The following TMEM272 variants were observed in gnomAD, a reference collection of about 807,000 sequenced individuals.
TMEM272 encodes the protein transmembrane protein 272.
TMEM272 carries 8 observed loss-of-function variants against 3.7 expected under a neutral mutation model. That is an observed-to-expected ratio of 2.17 (90% confidence interval 1.27 to 3.91). TMEM272 has a LOEUF of 3.91. Among genes scored for constraint, TMEM272 ranks in the 30% most tolerant of loss-of-function variants. The pLI, the probability that TMEM272 is intolerant of heterozygous loss-of-function variation, is 0.00. For missense variants in TMEM272, 166 were observed against 91.5 expected, an observed-to-expected ratio of 1.81 and a Z score of -3.32; for synonymous variants, 63 against 39.8, an observed-to-expected ratio of 1.58 and a Z score of -2.20.
At chr13:51,884,121 A>C in the TMEM272 span, among the ~76,000 whole-genome samples, 1 of 152,218 alleles carries the variant, frequency 6.6e-6, no homozygotes, top group South Asian at 2.1e-4. Context: ...GCATCAATAA[A>C]GAGGTAGAGA....
At chr13:51,823,771 G>A (rs17600031) in intron 3 of TMEM272, among the ~76,000 whole-genome samples, 14,821 of 152,246 alleles carry the variant, frequency 0.097, 811 homozygotes, top group Middle Eastern at 0.15. Context: ...CTTAAGCAGA[G>A]GGAGTAAACT....
the TMEM272 span, among the ~76,000 whole-genome samples, chr13:51,931,614 T>C: frequency 6.6e-6 from 1 of 152,158 alleles, no homozygotes; most frequent in Admixed American, 6.5e-5. Flanking sequence ...GCTCTGCACA[T>C]GTACCTAGAA....
At chr13:51,863,672 GACACACACAC>G in the TMEM272 span, among the ~76,000 whole-genome samples, 174 of 134,386 alleles carry the variant, frequency 1.3e-3, 2 homozygotes, top group East Asian at 3.6e-3. Flanking sequence ...CGCGCACACA[GACACACACAC>G]ACACACACAC....
At chr13:51,851,355 AGAGG>A in the TMEM272 span, among the ~76,000 whole-genome samples, 1 of 149,258 alleles carries the variant, frequency 6.7e-6, no homozygotes, top group African/African-American at 2.4e-5. Context: ...AAAAAAAAGA[AGAGG>A]AAGAAGAGGA....
intron 4 of TMEM272, among the ~76,000 whole-genome samples, chr13:51,817,546 G>T (rs1395686143): frequency 6.6e-6 from 1 of 152,194 alleles, no homozygotes; most frequent in Non-Finnish European, 1.5e-5. Context: ...TGTCTTGGGA[G>T]GAACCCCTAG....
At chr13:51,893,901 G>T in the TMEM272 span, among the ~76,000 whole-genome samples, 2 of 152,168 alleles carry the variant, frequency 1.3e-5, no homozygotes, top group African/African-American at 4.8e-5. Flanking sequence ...GCAGAACTTT[G>T]TATGATTTAA....
At chr13:51,903,216 G>A in the TMEM272 span, among the ~76,000 whole-genome samples, 1 of 152,202 alleles carries the variant, frequency 6.6e-6, no homozygotes, top group African/African-American at 2.4e-5. Context: ...AGCAGCAGTG[G>A]GAAGCAGCAA....
At chr13:51,930,582 C>CA in the TMEM272 span, 1 of 152,146 alleles carries the variant, frequency 6.6e-6, no homozygotes, top group East Asian at 1.9e-4. Flanking sequence ...GGGAAACTGA[C>CA]AGTCAGCCTA....
At chr13:51,928,466 G>T in the TMEM272 span, among the ~76,000 whole-genome samples, 5 of 152,206 alleles carry the variant, frequency 3.3e-5, no homozygotes, top group Non-Finnish European at 5.9e-5. Context: ...TTGTGCAGAT[G>T]AGAAGGCTGA....
chr13:51,923,113 G>A, the TMEM272 span, among the ~76,000 whole-genome samples: 1 of 152,214 alleles, frequency 6.6e-6, no homozygotes, highest in Admixed American at 6.5e-5. Context: ...TGATGGCAAT[G>A]TAACCTCACG....
At chr13:51,889,633 T>TGGG in the TMEM272 span, among the ~76,000 whole-genome samples, 4 of 148,022 alleles carry the variant, frequency 2.7e-5, no homozygotes, top group African/African-American at 7.7e-5. Flanking sequence ...TTTGTGTGTG[T>TGGG]GTGGGGGGGT....
At position 51,816,961 on chromosome 13, in the gene TMEM272, C is replaced by G. The variant is rs777110199; in HGVS notation, c.354G>C (p.Trp118Cys). The change falls in exon 5 of 5, where the codon TGG becomes TGC. Residue 118 changes from tryptophan (W) to cysteine (C), a missense_variant. Coordinates refer to ENST00000629372, the MANE Select transcript of TMEM272 (RefSeq NM_001351003.2). ...AGACCCAGTAGTTTCCCAGGATGAA[C>G]CAGAGGAAGAGGAAGAGGCTCAGCA... is the stretch of plus-strand genomic sequence containing the variant. ...HLLLSLFLFL[W>C]FILGNYWVFS... 134 of 702,896 alleles carry G rather than the reference C, an allele frequency of 1.9e-4. 1 individual carries two copies. In the South Asian group the frequency reaches 1.9e-3, roughly 10 times the overall value. The allele number at this position is 702,896 out of a possible 1,614,324, so 43.5% of individuals were successfully genotyped here.
At chr13:51,837,768 C>T (rs1167754880) in intron 2 of TMEM272, among the ~76,000 whole-genome samples, 1 of 152,200 alleles carries the variant, frequency 6.6e-6, no homozygotes, top group Non-Finnish European at 1.5e-5. Flanking sequence ...GAAAGGTGCC[C>T]AGGCACCCAT....
At chr13:51,918,084 T>C in the TMEM272 span, among the ~76,000 whole-genome samples, 32 of 152,346 alleles carry the variant, frequency 2.1e-4, no homozygotes, top group African/African-American at 7.5e-4. Flanking sequence ...CTGTGCCTCA[T>C]CCCTGCATGC....
the TMEM272 span, among the ~76,000 whole-genome samples, chr13:51,895,824 C>T: frequency 6.6e-6 from 1 of 152,200 alleles, no homozygotes; most frequent in Non-Finnish European, 1.5e-5. Flanking sequence ...GACAGCCCCC[C>T]TGTGATGGTA....
chr13:51,818,827 C>T lies in TMEM272; in HGVS notation c.202-1714G>A, dbSNP rs370309597. Among the ~76,000 whole-genome samples, 3 of 152,264 alleles carry T rather than the reference C, an allele frequency of 2.0e-5. No homozygotes were observed. The East Asian group carries it at 5.8e-4, about 29-fold the overall frequency. On this transcript the variant is annotated intron_variant, in intron 4 of 4. Coordinates refer to ENST00000629372, the MANE Select transcript of TMEM272 (RefSeq NM_001351003.2). ...GCTTGGTATGTGTGATCTTTAATGTCCATCCTAGCCTGGGGCCGCGTATTA... is the reference window on the plus strand; with the variant it reads ...GCTTGGTATGTGTGATCTTTAATGTTCATCCTAGCCTGGGGCCGCGTATTA...
chr13:51,913,725 G>A, the TMEM272 span, among the ~76,000 whole-genome samples: 1 of 152,196 alleles, frequency 6.6e-6, no homozygotes, highest in South Asian at 2.1e-4. Context: ...AATACAGCCT[G>A]CCCTCATCTA....
rs567675979 is a variant in TMEM272, at chr13:51,815,038, T to C, written c.*1713A>G. Reference sequence around the variant, plus strand: ...GTGACTGGGAATGGCTGACGAGTCATGGACTGGGGAAAGGAGGGTGGGAGA... The same window carrying C: ...GTGACTGGGAATGGCTGACGAGTCACGGACTGGGGAAAGGAGGGTGGGAGA... On this transcript the variant is annotated 3_prime_UTR_variant, in exon 5 of 5. Transcript: ENST00000629372. 6.5e-6 allele frequency: 1 copy of C among 152,780 alleles called. No homozygotes were observed. Among genetic ancestry groups the C allele is most frequent in the South Asian group, 2.1e-4 (1 of 4,830 alleles). The allele number at this position is 152,780 out of a possible 1,614,324, so 9.5% of individuals were successfully genotyped here.
chr13:51,835,391 A>AT (rs970389892), intron 2 of TMEM272, among the ~76,000 whole-genome samples: 2 of 151,310 alleles, frequency 1.3e-5, no homozygotes, highest in Non-Finnish European at 3.0e-5. Context: ...CACCCAGCTA[A>AT]TTTTTTTTGT....
Sources: allele counts gnomAD v4.1 joint callset (sites outside exome capture counted in the v4.1 genomes callset), GRCh38; gene constraint gnomAD v4.1.1; transcripts MANE v1.5; gene names NCBI Gene and HGNC (gene_info 2026-07-23, HGNC 2026-07-21).